The following NOTCH4 variants were observed in gnomAD, a reference collection of about 807,000 sequenced individuals.
NOTCH4 encodes notch receptor 4, also known as neurogenic locus notch homolog protein 4.
A neutral mutation model predicts 189.0 loss-of-function variants in NOTCH4; 138 were observed. The ratio of observed to expected loss-of-function variants is 0.73; its 90% confidence interval spans 0.64 to 0.84. NOTCH4 has a LOEUF of 0.84. Among genes scored for constraint, NOTCH4 ranks in the 40% least tolerant of loss-of-function variants. NOTCH4 has a pLI of 0.00. For synonymous variants in NOTCH4, 942 were observed against 1,032.8 expected, an observed-to-expected ratio of 0.91 and a Z score of 1.69; for missense variants, 2,286 against 2,605.4, an observed-to-expected ratio of 0.88 and a Z score of 2.67.
Position 32,217,224 on chromosome 6 carries a change from CTGCACTCA to C in NOTCH4, c.1659_1666del (p.Asp553GlufsTer27), listed in dbSNP as rs1414380485. ...CCCACCATTGGCACAGGGAGAGCTT[CTGCACTCA>C]TCGATATCCTCCTCACATCGGGTGC... On this transcript the variant is annotated frameshift_variant, in exon 10 of 30. Transcript: ENST00000375023. LOFTEE classifies it high-confidence loss of function. The surrounding 1 kb of genome is among the most constrained non-coding windows in gnomAD (Gnocchi z 4.2). The C allele has an allele frequency of 6.2e-7, 1 of 1,613,070 alleles. No individual in the cohort carries two copies. Among genetic ancestry groups the C allele is most frequent in the South Asian group, 1.1e-5 (1 of 91,078 alleles).
chr6:32,214,083 G>A (rs759369053), intron 13 of NOTCH4, 27 bp downstream of exon 13: 1 of 1,596,476 alleles, frequency 6.3e-7, no homozygotes, highest in East Asian at 2.2e-5. Flanking sequence ...CCAGCACAGG[G>A]TGTATATGGT....
Position 32,223,953 on chromosome 6 carries a change from G to A in NOTCH4, c.-25C>T, listed in dbSNP as rs367398. ...TTCCACAGCCCCTTCTCCAAGCCCC[G>A]GTCCCTGTCCCTCTTCAGGCAGGGA... On this transcript the variant is annotated 5_prime_UTR_variant, in exon 1 of 30. Coordinates refer to ENST00000375023, the MANE Select transcript of NOTCH4 (RefSeq NM_004557.4). The A allele has an allele frequency of 0.33, 523,006 of 1,572,000 alleles. 93,006 individuals are homozygous for A. The highest frequency in any genetic ancestry group is 0.57 in the African/African-American group (41,890 of 73,720).
At position 32,217,186 on chromosome 6, in the gene NOTCH4, G is replaced by A. The variant is rs769096664; in HGVS notation, c.1705C>T (p.Gln569Ter). The A allele has an allele frequency of 5.0e-6, 8 of 1,612,990 alleles. No homozygotes were observed. The highest frequency in any genetic ancestry group is 5.9e-6 in the Non-Finnish European group (7 of 1,179,924). ...PCANGGQCQD[Q>*]PGAFHCKCLP... ...CACTTGCAGTGGAAGGCTCCAGGCT[G>A]GTCCTGGCACTGCCCACCATTGGCA... The change falls in exon 10 of 30, where the codon CAG becomes TAG. Residue 569 changes from glutamine (Q) to a stop codon, truncating the protein, a stop_gained. Transcript: ENST00000375023. LOFTEE classifies it high-confidence loss of function. This position sits in a 1 kb window ranked among gnomAD's most constrained non-coding sequence, Gnocchi z 4.2.
chr6:32,223,166 C>T, intron 1 of NOTCH4, 80 bp from the exon 2 acceptor site: 1 of 1,049,378 alleles, frequency 9.5e-7, no homozygotes, highest in Non-Finnish European at 1.5e-6. Context: ...TCCTGAGAGA[C>T]CTGCCCACAG....
intron 18 of NOTCH4, among the ~76,000 whole-genome samples, chr6:32,208,540 C>T (rs1359602607): frequency 1.3e-5 from 2 of 152,200 alleles, no homozygotes; most frequent in Non-Finnish European, 2.9e-5. Flanking sequence ...CGAGACCATC[C>T]TGGCCAACAT....
At chr6:32,206,888 A>C (rs1788707553) in intron 18 of NOTCH4, among the ~76,000 whole-genome samples, 3 of 151,986 alleles carry the variant, frequency 2.0e-5, no homozygotes, top group Admixed American at 2.0e-4. Flanking sequence ...CCAGAAAAAC[A>C]AGTCCAAACA....
chr6:32,221,453 C>G lies in NOTCH4; in HGVS notation c.452-128G>C. On this transcript the variant is annotated intron_variant, in intron 3 of 29. Coordinates refer to ENST00000375023, the MANE Select transcript of NOTCH4 (RefSeq NM_004557.4). This position sits in a 1 kb window ranked among gnomAD's most constrained non-coding sequence, Gnocchi z 4.3. The stretch of plus-strand genomic sequence containing the variant: ...ATATTTCCTTCCCTTTATTACCATA[C>G]TTTCTTTGCTCTGTTCCATCACCCC... 2.9e-6 allele frequency: 2 copies of G among 695,502 alleles called. No homozygotes were observed. The highest frequency in any genetic ancestry group is 5.6e-5 in the Admixed American group (2 of 35,712). The allele number at this position is 695,502 out of a possible 1,614,324, so 43.1% of individuals were successfully genotyped here.
rs778805886 is a variant in NOTCH4 at position 32,204,286 on chromosome 6, A to T, written c.2969T>A (p.Phe990Tyr). 2.2e-5 allele frequency: 35 copies of T among 1,612,922 alleles called. No individual in the cohort carries two copies. The highest frequency in any genetic ancestry group is 2.9e-5 in the Non-Finnish European group (34 of 1,180,028). ...HGTCTPKPGGFHCACPPGFVG... is the reference protein window; with the variant it reads ...HGTCTPKPGGYHCACPPGFVG... ...AAAGCCTGGAGGGCAGGCACAGTGG[A>T]ATCCTCCAGGTTTGGGAGTACAGGT... is the stretch of plus-strand genomic sequence containing the variant. Residue 990 changes from phenylalanine to tyrosine, a missense_variant, in exon 19 of 30, where the codon TTC becomes TAC. Physicochemically the swap from Phe to Tyr is conservative, Grantham distance 22. Around this residue, in one of 2 missense-constraint regions of NOTCH4, gnomAD observed 1,903 missense variants for 2,261.9 expected, o/e 0.84. Transcript: ENST00000375023.
rs778415999 is a variant in NOTCH4, at chr6:32,223,914, T to A, written c.15A>T (p.Ser5=). MQPP[S]LLLLLLLLLL... is the part of the protein sequence containing the mutation. ...GCAGCAGCAGCAGCAGCAGCAGCAG[T>A]GAAGGGGGCTGCATTCCACAGCCCC... The change falls in exon 1 of 30, where the codon TCA becomes TCT. Residue 5 remains serine (S), a synonymous_variant. Coordinates refer to ENST00000375023, the MANE Select transcript of NOTCH4 (RefSeq NM_004557.4). 1 of 1,439,234 alleles carries A rather than the reference T, an allele frequency of 6.9e-7. No individual in the cohort carries two copies. Among genetic ancestry groups the A allele is most frequent in the Non-Finnish European group, 9.5e-7 (1 of 1,049,602 alleles). 89.2% of individuals were successfully genotyped at this position (1,439,234 alleles called of 1,614,324 possible). A position where few individuals can be genotyped will look rare whatever the true frequency, so the allele number is the denominator to read the frequency against.
At chr6:32,205,216 C>T (rs3131296) in intron 18 of NOTCH4, among the ~76,000 whole-genome samples, 16,065 of 151,500 alleles carry the variant, frequency 0.11, 982 homozygotes, top group Non-Finnish European at 0.13. Flanking sequence ...CTGGAAGGAA[C>T]AGGTGATGGG....
rs1789065168 is a variant in NOTCH4, at chr6:32,212,244, G to C, written c.2680+230C>G. Among the ~76,000 whole-genome samples the C allele has an allele frequency of 6.6e-6, 1 of 152,162 alleles. No homozygotes were observed. The highest frequency in any genetic ancestry group is 1.5e-5 in the Non-Finnish European group (1 of 68,036). Reference sequence around the variant, plus strand: ...GGTTAAACTGGAATCCTGTGGAATGGGCTGGTTGGTGTTGCTTGAATTGCG... The same window carrying C: ...GGTTAAACTGGAATCCTGTGGAATGCGCTGGTTGGTGTTGCTTGAATTGCG... On this transcript the variant is annotated intron_variant, in intron 17 of 29. Transcript: ENST00000375023. This position sits in a 1 kb window ranked among gnomAD's most constrained non-coding sequence, Gnocchi z 4.4.
Position 32,198,809 on chromosome 6 carries a change from C to G in NOTCH4, c.4536-79G>C. On this transcript the variant is annotated intron_variant, in intron 24 of 29. Transcript: ENST00000375023. The surrounding 1 kb of genome is among the most constrained non-coding windows in gnomAD (Gnocchi z 5.5). ...CCAAAATTTCCAGCAGGCTTCCCAC[C>G]CCTCTCTCCTTCCCCTATCTTTGAC... The G allele has an allele frequency of 6.7e-7, 1 of 1,488,506 alleles. No individual in the cohort carries two copies. The highest frequency in any genetic ancestry group is 9.1e-7 in the Non-Finnish European group (1 of 1,100,012). 92.2% of individuals were successfully genotyped at this position (1,488,506 alleles called of 1,614,324 possible). A position where few individuals can be genotyped will look rare whatever the true frequency, so the allele number is the denominator to read the frequency against.
chr6:32,220,891 T>A lies in NOTCH4; in HGVS notation c.800-13A>T, dbSNP rs2127488475. The A allele has an allele frequency of 6.2e-7, 1 of 1,611,986 alleles. No individual in the cohort carries two copies. The highest frequency in any genetic ancestry group is 2.2e-5 in the East Asian group (1 of 44,872). On this transcript the variant is annotated splice_polypyrimidine_tract_variant and intron_variant, in intron 4 of 29. Transcript: ENST00000375023. ...GGGCCTATGAAACCTGACAGGGTCA[T>A]GGATCAGCTGTGGGAGGAGGCTCCA...
At chr6:32,205,822 T>C (rs138753323) in intron 18 of NOTCH4, among the ~76,000 whole-genome samples, 2,619 of 151,406 alleles carry the variant, frequency 0.017, 25 homozygotes, top group Non-Finnish European at 0.028. Context: ...GAGGTCAGGA[T>C]TTTGAGACCA....
rs148890263 is a variant in NOTCH4 at position 32,213,706 on chromosome 6, T to C, written c.2302A>G (p.Thr768Ala). Residue 768 changes from threonine (T) to alanine (A), a missense_variant, in exon 14 of 30, where the codon ACT (threonine) becomes GCT (alanine). Thr to Ala is a moderately conservative substitution (Grantham distance 58). Around this residue, in one of 2 missense-constraint regions of NOTCH4, gnomAD observed 1,903 missense variants for 2,261.9 expected, o/e 0.84. Coordinates refer to ENST00000375023, the MANE Select transcript of NOTCH4 (RefSeq NM_004557.4). The stretch of plus-strand genomic sequence containing the variant: ...CACTCACCAGACACACAGTAGTCAG[T>C]GCTGGTTTGGCACTGGGGCCCTGTG... ...SHTGPQCQTS[T>A]DYCVSAPCFN... The C allele has an allele frequency of 6.0e-5, 97 of 1,612,876 alleles. 1 individual carries two copies. The Middle Eastern group carries it at 8.3e-4, about 14-fold the overall frequency.
At chr6:32,207,184 C>T (rs1190212865) in intron 18 of NOTCH4, among the ~76,000 whole-genome samples, 1 of 151,122 alleles carries the variant, frequency 6.6e-6, no homozygotes, top group Non-Finnish European at 1.5e-5. Flanking sequence ...CCGCCTTGGT[C>T]TCCCAAAATG....
intron 2 of NOTCH4, 63 bp from the exon 3 acceptor site, chr6:32,222,869 C>T (rs767188484): frequency 6.3e-7 from 1 of 1,587,862 alleles, no homozygotes; most frequent in Non-Finnish European, 8.6e-7. Context: ...TGCCCACTCC[C>T]TCCTCTGCCT....
At chr6:32,208,777 A>T (rs1012343652) in intron 18 of NOTCH4, among the ~76,000 whole-genome samples, 3 of 152,206 alleles carry the variant, frequency 2.0e-5, no homozygotes, top group Non-Finnish European at 4.4e-5. Flanking sequence ...GCTGGCAAGG[A>T]TGCAGAGAAA....
rs1305644454 is a variant in NOTCH4 at position 32,213,235 on chromosome 6, C to T, written c.2338G>A (p.Gly780Ser). ...YCVSAPCFNG[G>S]TCVNRPGTFS... Reference sequence around the variant, plus strand: ...GTGCCAGGCCTGTTCACACAGGTACCCCCATTGAAGCACGGGGCTGGAGAG... The same window carrying T: ...GTGCCAGGCCTGTTCACACAGGTACTCCCATTGAAGCACGGGGCTGGAGAG... The change falls in exon 15 of 30, where the codon GGT becomes AGT. Residue 780 changes from glycine to serine, a missense_variant. Around this residue, in one of 2 missense-constraint regions of NOTCH4, gnomAD observed 1,903 missense variants for 2,261.9 expected, o/e 0.84. Transcript: ENST00000375023. The T allele has an allele frequency of 1.2e-6, 2 of 1,613,614 alleles. No individual in the cohort carries two copies. The highest frequency in any genetic ancestry group is 8.5e-7 in the Non-Finnish European group (1 of 1,179,642).
Sources: allele counts gnomAD v4.1 joint callset (sites outside exome capture counted in the v4.1 genomes callset), GRCh38; gene constraint gnomAD v4.1.1; regional missense constraint gnomAD v4.1.1; non-coding constraint Gnocchi (gnomAD v3.1); transcripts MANE v1.5; gene names NCBI Gene and HGNC (gene_info 2026-07-23, HGNC 2026-07-21).